The following NTM variants were observed in gnomAD, a reference collection of about 807,000 sequenced individuals.
NTM encodes IgLON family member 2.
In NTM, 13 loss-of-function variants were observed where a neutral mutation model predicts 42.1. That is an observed-to-expected ratio of 0.31 (90% confidence interval 0.20 to 0.49). NTM has a LOEUF of 0.49. NTM is among the 20% of genes least tolerant of loss of function. The pLI is 0.99. For missense variants in NTM, 373 were observed against 452.8 expected (o/e 0.82, Z 1.60); for synonymous variants, 187 against 179.2 (o/e 1.04, Z -0.35).
At chr11:132,062,475 G>A (rs1462536751) in intron 2 of NTM, among the ~76,000 whole-genome samples, 1 of 144,488 alleles carries the variant, frequency 6.9e-6, no homozygotes, top group Non-Finnish European at 1.5e-5. Context: ...AGTTGCTGAA[G>A]AATATGATGG....
intron 1 of NTM, among the ~76,000 whole-genome samples, chr11:131,401,860 A>ATATATATATATATT (rs1350900091): frequency 1.9e-5 from 2 of 107,732 alleles, no homozygotes; most frequent in Non-Finnish European, 3.8e-5. Context: ...ATATATATAT[A>ATATATATATATATT]TTTTAATTTA....
At chr11:131,963,313 C>G (rs2062434813) in intron 2 of NTM, among the ~76,000 whole-genome samples, 1 of 152,140 alleles carries the variant, frequency 6.6e-6, no homozygotes, top group South Asian at 2.1e-4. Flanking sequence ...CTGGATAACT[C>G]TGAGTTTGGG....
rs528419739 is a variant in NTM, at chr11:131,442,945, G to A, written c.82+72057G>A. 6.0e-3 allele frequency among the ~76,000 whole-genome samples: 913 copies of A among 152,224 alleles called. 7 individuals are homozygous for A. The highest frequency in any genetic ancestry group is 0.011 in the Non-Finnish European group (718 of 68,026). ...GAGTAGTGTTGTGATAAACACACAC[G>A]TGCAGGTATCTTTTCTATATATAAT... On this transcript the variant is annotated intron_variant, in intron 1 of 8. Transcript: ENST00000683400.
intron 1 of NTM, among the ~76,000 whole-genome samples, chr11:131,639,736 T>C (rs974866533): frequency 1.1e-4 from 17 of 152,158 alleles, no homozygotes; most frequent in Middle Eastern, 6.8e-3. Context: ...GGCAGGCAGA[T>C]CACAAGGTCA....
chr11:131,697,807 T>C (rs2075633506), intron 1 of NTM, among the ~76,000 whole-genome samples: 1 of 152,162 alleles, frequency 6.6e-6, no homozygotes, highest in South Asian at 2.1e-4. Context: ...TAAGAAGGTG[T>C]GGTTTGTGAT....
intron 1 of NTM, among the ~76,000 whole-genome samples, chr11:131,757,081 C>T (rs142179472): frequency 6.6e-6 from 1 of 152,334 alleles, no homozygotes; most frequent in Non-Finnish European, 1.5e-5. Context: ...GATGCTGCTC[C>T]TAATTCCATA....
intron 1 of NTM, among the ~76,000 whole-genome samples, chr11:131,864,543 A>G (rs914619654): frequency 4.6e-5 from 7 of 152,154 alleles, no homozygotes; most frequent in Admixed American, 3.9e-4. Flanking sequence ...GAGGTTTCCT[A>G]TTATTTCTTT....
At chr11:132,302,060 G>C (rs1199193247) in intron 4 of NTM, among the ~76,000 whole-genome samples, 10 of 152,164 alleles carry the variant, frequency 6.6e-5, no homozygotes, top group Admixed American at 5.9e-4. Flanking sequence ...ATGCACACAA[G>C]ACAGTCTCTG....
At chr11:132,113,140 A>G (rs1680185410) in intron 2 of NTM, among the ~76,000 whole-genome samples, 1 of 152,038 alleles carries the variant, frequency 6.6e-6, no homozygotes, top group African/African-American at 2.4e-5. Context: ...ACACTACCTG[A>G]TTGCTTTGAT....
chr11:132,320,454 C>T (rs908343450), intron 7 of NTM, among the ~76,000 whole-genome samples: 1 of 152,220 alleles, frequency 6.6e-6, no homozygotes, highest in Non-Finnish European at 1.5e-5. Context: ...CACCCGAATA[C>T]TGCGCTTTTC....
chr11:131,707,882 A>C (rs926373761), intron 1 of NTM, among the ~76,000 whole-genome samples: 4 of 152,152 alleles, frequency 2.6e-5, no homozygotes, highest in African/African-American at 9.6e-5. Flanking sequence ...CACTGCCACC[A>C]CTTCTACTCA....
At chr11:132,125,994 A>G (rs1317695900) in intron 2 of NTM, among the ~76,000 whole-genome samples, 4 of 151,822 alleles carry the variant, frequency 2.6e-5, no homozygotes, top group African/African-American at 4.8e-5. Flanking sequence ...TTGGCAGAGG[A>G]AGAAGCGCAG....
chr11:131,785,329 G>A (rs542737572), intron 1 of NTM, among the ~76,000 whole-genome samples: 2 of 152,244 alleles, frequency 1.3e-5, no homozygotes, highest in African/African-American at 4.8e-5. Context: ...AAATGAAGAC[G>A]ATATGAATTT....
intron 1 of NTM, among the ~76,000 whole-genome samples, chr11:131,444,240 A>G (rs12362109): frequency 0.13 from 19,002 of 148,006 alleles, 1,466 homozygotes; most frequent in South Asian, 0.18. Context: ...AGAAGCCAAT[A>G]TGGGGGACAG....
At chr11:131,987,026 C>G (rs116347961) in intron 2 of NTM, among the ~76,000 whole-genome samples, 2,534 of 152,214 alleles carry the variant, frequency 0.017, 53 homozygotes, top group African/African-American at 0.058. Context: ...TGTTGAGGAT[C>G]TTTTATTCCA....
chr11:132,021,402 A>G lies in NTM; in HGVS notation c.167+109754A>G, dbSNP rs186588944. Among the ~76,000 whole-genome samples, 20 of 152,188 alleles carry G rather than the reference A, an allele frequency of 1.3e-4. No individual in the cohort carries two copies. In the East Asian group the frequency reaches 3.7e-3, roughly 28 times the overall value. ...GACAATCAGAGAGTTTCTATTGCCT[A>G]CTTTGTTTTGTATGGGTCACAGTTT... On this transcript the variant is annotated intron_variant, in intron 2 of 8. Coordinates refer to ENST00000683400, the MANE Select transcript of NTM (RefSeq NM_001352005.2).
intron 1 of NTM, among the ~76,000 whole-genome samples, chr11:131,639,865 A>C (rs1230757789): frequency 1.3e-5 from 2 of 152,188 alleles, no homozygotes; most frequent in Non-Finnish European, 2.9e-5. Flanking sequence ...CTGAGGCAGG[A>C]GAATCACTTG....
At chr11:131,550,643 A>G (rs759008986) in intron 1 of NTM, among the ~76,000 whole-genome samples, 72 of 152,122 alleles carry the variant, frequency 4.7e-4, no homozygotes, top group Non-Finnish European at 9.1e-4. Context: ...CCATGAGCCA[A>G]TTAACCCTTT....
At chr11:131,453,022 T>A (rs890231645) in intron 1 of NTM, among the ~76,000 whole-genome samples, 6 of 152,300 alleles carry the variant, frequency 3.9e-5, no homozygotes, top group Non-Finnish European at 7.4e-5. Context: ...CAAAACCGTA[T>A]TTCCAATGGC....
Sources: gnomAD v4.1 joint callset for allele counts (sites outside exome capture counted in the v4.1 genomes callset) on GRCh38, gnomAD v4.1.1 for gene constraint, MANE v1.5 for transcripts, NCBI Gene and HGNC (gene_info 2026-07-23, HGNC 2026-07-21) for gene names.